The following SYT13 variants were observed in gnomAD, a reference collection of about 807,000 sequenced individuals.
The protein encoded by SYT13 is synaptotagmin 13.
SYT13 carries 21 observed loss-of-function variants against 38.6 expected under a neutral mutation model. The observed-to-expected ratio is 0.54, with a 90% CI of 0.39 to 0.78. The LOEUF (loss-of-function observed/expected upper bound fraction) is 0.78, where lower values mean the gene tolerates loss of function less well. Ranked by LOEUF, SYT13 falls within the 30% of genes least tolerant of loss-of-function variation. The probability of loss-of-function intolerance (pLI) is 0.00; values close to 1 mark genes in which losing one functional copy is unlikely to be tolerated. For missense variants in SYT13, 495 were observed against 548.7 expected (o/e 0.90, Z 0.98); for synonymous variants, 241 against 237.6 (o/e 1.01, Z -0.13).
chr11:45,246,130 G>C (rs1024352004), intron 5 of SYT13, among the ~76,000 whole-genome samples: 2 of 152,220 alleles, frequency 1.3e-5, no homozygotes, highest in Admixed American at 6.5e-5. Context: ...GGAACCCCAG[G>C]TAGCTCACAC....
At position 45,243,775 on chromosome 11, in the gene SYT13, C is replaced by G. The variant is rs1285450697; in HGVS notation, c.*277G>C. The G allele has an allele frequency of 2.6e-6, 1 of 377,606 alleles. No individual in the cohort carries two copies. Among genetic ancestry groups the G allele is most frequent in the Non-Finnish European group, 4.7e-6 (1 of 211,860 alleles). The allele number at this position is 377,606 out of a possible 1,614,324, so 23.4% of individuals were successfully genotyped here. A position where few individuals can be genotyped will look rare whatever the true frequency, so the allele number is the denominator to read the frequency against. On this transcript the variant is annotated 3_prime_UTR_variant, in exon 6 of 6. Coordinates refer to ENST00000020926, the MANE Select transcript of SYT13 (RefSeq NM_020826.3). ...TTAGCTTTCTCTGCATCTGGCCTAACCCCACCTATAAAACAGGCATAGGAA... is the reference window on the plus strand; with the variant it reads ...TTAGCTTTCTCTGCATCTGGCCTAAGCCCACCTATAAAACAGGCATAGGAA...
At chr11:45,276,647 T>TTA (rs1565396372) in intron 1 of SYT13, among the ~76,000 whole-genome samples, 1 of 151,840 alleles carries the variant, frequency 6.6e-6, no homozygotes, top group African/African-American at 2.4e-5. Context: ...GGTTTTTTTT[T>TTA]AGATATTAAA....
chr11:45,254,968 T>G (rs908953721), intron 2 of SYT13, among the ~76,000 whole-genome samples: 9 of 151,620 alleles, frequency 5.9e-5, no homozygotes, highest in African/African-American at 2.2e-4. Context: ...AAGCAAAAAT[T>G]ATCTGGGCAT....
In SYT13 at chr11:45,259,813, G is replaced by A. The variant is rs112316820; in HGVS notation, c.184-3922C>T. Among the ~76,000 whole-genome samples, 277 of 152,294 alleles carry A rather than the reference G, an allele frequency of 1.8e-3. 1 individual carries two copies. The highest frequency in any genetic ancestry group is 5.9e-3 in the African/African-American group (244 of 41,556). Reference sequence around the variant, plus strand: ...GTCCCCTCCTCCCTGGACAGGAAGCGGGTGGCCCTGCCTTGTGACTGCAAG... The same window carrying A: ...GTCCCCTCCTCCCTGGACAGGAAGCAGGTGGCCCTGCCTTGTGACTGCAAG... On this transcript the variant is annotated intron_variant, in intron 1 of 5. Transcript: ENST00000020926.
chr11:45,270,738 A>G (rs1191982540), intron 1 of SYT13, among the ~76,000 whole-genome samples: 1 of 152,194 alleles, frequency 6.6e-6, no homozygotes, highest in Non-Finnish European at 1.5e-5. Flanking sequence ...AAAAAAGTGC[A>G]GGGAACCACT....
At chr11:45,253,026 G>A (rs746198842) in intron 3 of SYT13, among the ~76,000 whole-genome samples, 7 of 152,194 alleles carry the variant, frequency 4.6e-5, no homozygotes, top group Non-Finnish European at 1.0e-4. Context: ...AAGGCTTGCT[G>A]CTGGGGGCCT....
chr11:45,262,148 A>T (rs1286173067), intron 1 of SYT13, among the ~76,000 whole-genome samples: 2 of 152,176 alleles, frequency 1.3e-5, no homozygotes, highest in Non-Finnish European at 2.9e-5. Flanking sequence ...AGAAAGAAGG[A>T]ATGTTCTGAC....
Position 45,244,409 on chromosome 11 carries a change from T to G in SYT13, c.977-53A>C, listed in dbSNP as rs1392132735. 22 of 1,566,344 alleles carry G rather than the reference T, an allele frequency of 1.4e-5. No individual in the cohort carries two copies. In the Admixed American group the frequency reaches 3.8e-4, roughly 27 times the overall value. On this transcript the variant is annotated intron_variant, in intron 5 of 5. Coordinates refer to ENST00000020926, the MANE Select transcript of SYT13 (RefSeq NM_020826.3). ...ACAGAGAGAAGGGACAAGAGTGAGT[T>G]TCTGGGATCTGGCAGGGCCCAGGAC...
At chr11:45,260,496 G>C (rs567126644) in intron 1 of SYT13, among the ~76,000 whole-genome samples, 2 of 152,276 alleles carry the variant, frequency 1.3e-5, no homozygotes, top group African/African-American at 4.8e-5. Flanking sequence ...GGGGAAGGAG[G>C]TGCTCAGGGT....
intron 1 of SYT13, among the ~76,000 whole-genome samples, chr11:45,263,820 C>A (rs1854848963): frequency 6.6e-6 from 1 of 152,138 alleles, no homozygotes; most frequent in African/African-American, 2.4e-5. Context: ...TGCTGTGTGA[C>A]CTTGGGTCTG....
chr11:45,263,936 G>A lies in SYT13; in HGVS notation c.184-8045C>T, dbSNP rs577973281. ...TTGAGGCTTAGATAAGATAACTCAC[G>A]CAGAGCTCTTAGGACAGAGGCTAGC... On this transcript the variant is annotated intron_variant, in intron 1 of 5. Coordinates refer to ENST00000020926, the MANE Select transcript of SYT13 (RefSeq NM_020826.3). 3.9e-5 allele frequency among the ~76,000 whole-genome samples: 6 copies of A among 152,278 alleles called. No homozygotes were observed. The South Asian group carries it at 8.3e-4, about 21-fold the overall frequency.
At chr11:45,283,604 G>A (rs996942999) in intron 1 of SYT13, among the ~76,000 whole-genome samples, 1 of 152,240 alleles carries the variant, frequency 6.6e-6, no homozygotes, top group Non-Finnish European at 1.5e-5. Context: ...TGAGATCTCA[G>A]CTTCAACACA....
chr11:45,262,725 A>T (rs1245421073), intron 1 of SYT13, among the ~76,000 whole-genome samples: 2 of 79,200 alleles, frequency 2.5e-5, no homozygotes, highest in African/African-American at 2.2e-4. Flanking sequence ...ATCCTATCAC[A>T]CACACACACA....
intron 4 of SYT13, among the ~76,000 whole-genome samples, chr11:45,250,786 G>A (rs2135888411): frequency 6.6e-6 from 1 of 152,286 alleles, no homozygotes; most frequent in East Asian, 1.9e-4. Context: ...CAGACAGCGG[G>A]TGAAACGTAC....
chr11:45,243,996 G>C lies in SYT13; in HGVS notation c.*56C>G. ...AGAATGAGGAAAGGGGCACAGAAAG[G>C]AGGTTGCAGAGGACGGGTCAGGGCT... is the stretch of plus-strand genomic sequence containing the variant. On this transcript the variant is annotated 3_prime_UTR_variant, in exon 6 of 6. Coordinates refer to ENST00000020926, the MANE Select transcript of SYT13 (RefSeq NM_020826.3). 1.3e-6 allele frequency: 2 copies of C among 1,507,614 alleles called. No homozygotes were observed. The highest frequency in any genetic ancestry group is 1.3e-5 in the South Asian group (1 of 78,206). The allele number at this position is 1,507,614 out of a possible 1,614,324, so 93.4% of individuals were successfully genotyped here.
intron 1 of SYT13, among the ~76,000 whole-genome samples, chr11:45,272,452 C>G (rs1049576739): frequency 1.3e-5 from 2 of 152,190 alleles, no homozygotes; most frequent in Admixed American, 6.5e-5. Flanking sequence ...AATTTCATGA[C>G]TAGTCAGGAA....
intron 1 of SYT13, among the ~76,000 whole-genome samples, chr11:45,259,325 C>A (rs988801256): frequency 1.3e-5 from 2 of 152,204 alleles, no homozygotes; most frequent in Non-Finnish European, 2.9e-5. Context: ...CATCCCAATT[C>A]AATCGTCTGA....
In SYT13 at chr11:45,251,949, C is replaced by T. The variant is rs1209714359; in HGVS notation, c.846+472G>A. Among the ~76,000 whole-genome samples, 3 of 152,192 alleles carry T rather than the reference C, an allele frequency of 2.0e-5. No homozygotes were observed. The East Asian group carries it at 5.8e-4, about 29-fold the overall frequency. On this transcript the variant is annotated intron_variant, in intron 4 of 5. Coordinates refer to ENST00000020926, the MANE Select transcript of SYT13 (RefSeq NM_020826.3). ...CTCTTACATGGCTCAGGGTGGAACA[C>T]ATCAAATATCGTCATCATTTGTCTG...
intron 1 of SYT13, among the ~76,000 whole-genome samples, chr11:45,274,763 A>G (rs1265696778): frequency 1.3e-5 from 2 of 152,190 alleles, no homozygotes; most frequent in African/African-American, 4.8e-5. Context: ...TCTATTTGAA[A>G]AGCAAAGTCT....
Sources: allele counts gnomAD v4.1 joint callset (sites outside exome capture counted in the v4.1 genomes callset), GRCh38; gene constraint gnomAD v4.1.1; transcripts MANE v1.5; gene names NCBI Gene and HGNC (gene_info 2026-07-23, HGNC 2026-07-21).